The following RBFOX1 variants were observed in gnomAD, a reference collection of about 807,000 sequenced individuals.
RBFOX1 encodes RNA binding protein fox-1 homolog 1.
Under a neutral mutation model 57.7 loss-of-function variants are expected in RBFOX1, and 8 were observed. The ratio of observed to expected loss-of-function variants is 0.14; its 90% CI spans 0.08 to 0.25. The LOEUF (loss-of-function observed/expected upper bound fraction) is 0.25. Ranked by LOEUF, RBFOX1 falls within the 10% of genes least tolerant of loss-of-function variation. The pLI, the probability that RBFOX1 is intolerant of heterozygous loss-of-function variation, is 1.00. For missense variants in RBFOX1, 611 were observed against 548.5 expected (o/e 1.11, Z -1.14); for synonymous variants, 326 against 222.4 (o/e 1.47, Z -4.15).
At chr16:7,128,520 C>G (rs978252133) in intron 4 of RBFOX1, among the ~76,000 whole-genome samples, 1 of 152,158 alleles carries the variant, frequency 6.6e-6, no homozygotes, top group Non-Finnish European at 1.5e-5. Context: ...GCAAGCTAGC[C>G]TGGTTCACTT....
chr16:5,972,768 C>T (rs577438826), intron 4 of RBFOX1, among the ~76,000 whole-genome samples: 1 of 152,292 alleles, frequency 6.6e-6, no homozygotes, highest in Non-Finnish European at 1.5e-5. Flanking sequence ...CTCTCCACTC[C>T]AGAGAATCTC....
Position 6,875,250 on chromosome 16 carries a change from G to C in RBFOX1, c.-15-176807G>C, listed in dbSNP as rs983148183. ...CACTATTGTAATTCAGGAAATTTCAGTATCTCTGAAGACTCTTCGGTTGTC... is the reference window on the plus strand; with the variant it reads ...CACTATTGTAATTCAGGAAATTTCACTATCTCTGAAGACTCTTCGGTTGTC... On this transcript the variant is annotated intron_variant, in intron 3 of 15. Transcript: ENST00000550418. Among the ~76,000 whole-genome samples the C allele has an allele frequency of 4.7e-4, 72 of 152,274 alleles. 1 individual carries two copies. Among genetic ancestry groups the C allele is most frequent in the African/African-American group, 1.7e-3 (71 of 41,564 alleles).
intron 14 of RBFOX1, among the ~76,000 whole-genome samples, chr16:7,705,398 G>T (rs894632541): frequency 3.3e-5 from 5 of 151,986 alleles, no homozygotes; most frequent in Admixed American, 3.3e-4. Context: ...CCAGCTATTC[G>T]GGAGGCTGAG....
At chr16:6,824,983 G>GTTTTTGTTTTTTTT (rs2091915587) in intron 3 of RBFOX1, among the ~76,000 whole-genome samples, 2 of 36,876 alleles carry the variant, frequency 5.4e-5, no homozygotes, top group Non-Finnish European at 5.9e-5. Flanking sequence ...TTCTTTCTTG[G>GTTTTTGTTTTTTTT]TTTTTTTTTT....
chr16:6,023,848 A>T (rs766704721), intron 1 of RBFOX1, among the ~76,000 whole-genome samples: 1 of 152,198 alleles, frequency 6.6e-6, no homozygotes, highest in African/African-American at 2.4e-5. Flanking sequence ...GCTCTTCCCA[A>T]TGTCTACCTC....
At chr16:5,545,187 A>C (rs993831080) in intron 2 of RBFOX1, among the ~76,000 whole-genome samples, 4 of 152,056 alleles carry the variant, frequency 2.6e-5, no homozygotes, top group African/African-American at 9.7e-5. Flanking sequence ...TCTGTTGGCC[A>C]GGCTGGTCTT....
intron 4 of RBFOX1, among the ~76,000 whole-genome samples, chr16:7,392,690 A>G (rs1349407754): frequency 1.3e-5 from 2 of 152,180 alleles, no homozygotes; most frequent in African/African-American, 2.4e-5. Context: ...CATAAGCACA[A>G]GGAATTCTGA....
intron 2 of RBFOX1, among the ~76,000 whole-genome samples, chr16:6,648,434 C>T (rs941170467): frequency 5.9e-5 from 9 of 152,048 alleles, no homozygotes; most frequent in Admixed American, 1.3e-4. Context: ...CCCTTATGTG[C>T]GGATGAGGGA....
intron 1 of RBFOX1, among the ~76,000 whole-genome samples, chr16:5,429,550 C>T (rs891472847): frequency 3.3e-5 from 5 of 152,112 alleles, no homozygotes; most frequent in Non-Finnish European, 4.4e-5. Context: ...GGGACCATTC[C>T]GATAACAGCT....
chr16:7,202,457 C>G (rs191954485), intron 4 of RBFOX1, among the ~76,000 whole-genome samples: 1 of 152,082 alleles, frequency 6.6e-6, no homozygotes, highest in African/African-American at 2.4e-5. Flanking sequence ...GCCAGATGAT[C>G]CAACAATTCT....
chr16:5,852,896 C>T (rs1268330167), intron 3 of RBFOX1, among the ~76,000 whole-genome samples: 1 of 152,134 alleles, frequency 6.6e-6, no homozygotes, highest in African/African-American at 2.4e-5. Context: ...CAGACTCTTA[C>T]CCATCCTGCA....
chr16:7,299,547 C>T (rs545875033), intron 4 of RBFOX1, among the ~76,000 whole-genome samples: 181 of 152,286 alleles, frequency 1.2e-3, no homozygotes, highest in African/African-American at 4.1e-3. Flanking sequence ...CTGCCTGGGA[C>T]GAAGCCCTTT....
At chr16:6,025,122 A>G (rs1418138278) in intron 1 of RBFOX1, among the ~76,000 whole-genome samples, 1 of 152,220 alleles carries the variant, frequency 6.6e-6, no homozygotes, top group Non-Finnish European at 1.5e-5. Context: ...TATGTCTTAA[A>G]CATTATGGGA....
At chr16:5,915,231 A>C (rs1431009852) in intron 4 of RBFOX1, among the ~76,000 whole-genome samples, 1 of 152,228 alleles carries the variant, frequency 6.6e-6, no homozygotes, top group Non-Finnish European at 1.5e-5. Context: ...CTAAGAGGTC[A>C]AGATCATCAC....
chr16:7,460,389 A>ATATATATATATATATATATGTG lies in RBFOX1; in HGVS notation c.28-57757_28-57756insATATATATATATATATATGTGT. On this transcript the variant is annotated intron_variant, in intron 4 of 15. Coordinates refer to ENST00000550418, the MANE Select transcript of RBFOX1 (RefSeq NM_018723.4). ...TAGCAAAATATATATATATATATAT[A>ATATATATATATATATATATGTG]TGTGTGTGTGTGTGTGTGTGTGTGT... Among the ~76,000 whole-genome samples the ATATATATATATATATATATGTG allele has an allele frequency of 7.7e-3, 668 of 86,984 alleles. 23 individuals carry two copies. The highest frequency in any genetic ancestry group is 0.031 in the African/African-American group (465 of 15,236). The allele number at this position is 86,984 out of a possible 152,430, so 57.1% of individuals were successfully genotyped here.
At chr16:5,569,300 A>C (rs148699422) in intron 2 of RBFOX1, among the ~76,000 whole-genome samples, 5 of 152,100 alleles carry the variant, frequency 3.3e-5, no homozygotes, top group Admixed American at 6.5e-5. Flanking sequence ...AAAAAAGACA[A>C]ATTTGAAGCT....
rs2072973075 is a variant in RBFOX1 at position 6,744,006 on chromosome 16, G to A, written c.-16+89356G>A. Among the ~76,000 whole-genome samples the A allele has an allele frequency of 1.3e-5, 2 of 151,796 alleles. 1 individual carries two copies. The highest frequency in any genetic ancestry group is 4.2e-4 in the South Asian group (2 of 4,816). On this transcript the variant is annotated intron_variant, in intron 3 of 15. Coordinates refer to ENST00000550418, the MANE Select transcript of RBFOX1 (RefSeq NM_018723.4). ...TATAAAGCAAGTGGTGTGTTCGCAT[G>A]TTTAAATAAAGTGTATTTCTTTCCT... is the stretch of plus-strand genomic sequence containing the variant.
At chr16:7,535,749 T>C (rs558798733) in intron 5 of RBFOX1, among the ~76,000 whole-genome samples, 2 of 152,242 alleles carry the variant, frequency 1.3e-5, no homozygotes, top group African/African-American at 4.8e-5. Context: ...TAAATACACA[T>C]GAACAATTTT....
chr16:6,727,566 G>A (rs2067534411), intron 3 of RBFOX1, among the ~76,000 whole-genome samples: 1 of 152,098 alleles, frequency 6.6e-6, no homozygotes, highest in African/African-American at 2.4e-5. Flanking sequence ...CGTACAAACA[G>A]CTCTTGGGGC....
Sources: allele counts gnomAD v4.1 joint callset (sites outside exome capture counted in the v4.1 genomes callset), GRCh38; gene constraint gnomAD v4.1.1; transcripts MANE v1.5; gene names NCBI Gene and HGNC (gene_info 2026-07-23, HGNC 2026-07-21).